Variants in CSTF3 observed in about 807,000 individuals in gnomAD.
CSTF3 encodes the protein cleavage stimulation factor subunit 3, also known as CF-1 77 kDa subunit.
Under a neutral mutation model 105.8 loss-of-function variants are expected in CSTF3, and 29 were observed. The ratio of observed to expected loss-of-function variants is 0.27; its 90% confidence interval spans 0.20 to 0.37. CSTF3 has a LOEUF of 0.37. CSTF3 is among the 10% of genes least tolerant of loss of function. The pLI is 1.00. For missense variants in CSTF3, 357 were observed against 879.3 expected (o/e 0.41, Z 7.51); for synonymous variants, 252 against 281.9 (o/e 0.89, Z 1.06).
chr11:33,099,204 G>T lies in CSTF3; in HGVS notation c.937-54C>A. The T allele has an allele frequency of 1.3e-6, 2 of 1,543,946 alleles. No individual in the cohort carries two copies. Among genetic ancestry groups the T allele is most frequent in the Non-Finnish European group, 8.7e-7 (1 of 1,152,598 alleles). ...CAATAATTTTAATATAGTTGTGAGA[G>T]AATAAAATTAATAAAGTTACATCTA... On this transcript the variant is annotated intron_variant, in intron 11 of 20. Coordinates refer to ENST00000323959, the MANE Select transcript of CSTF3 (RefSeq NM_001326.3). This position sits in a 1 kb window ranked among gnomAD's most constrained non-coding sequence, Gnocchi z 4.1.
chr11:33,085,408 C>G (rs1160661626), intron 20 of CSTF3, 119 bp from the exon 21 acceptor site: 2 of 808,556 alleles, frequency 2.5e-6, no homozygotes, highest in Admixed American at 6.8e-5. Flanking sequence ...GATAGTACTA[C>G]TGATACTAAA....
At chr11:33,102,144 T>G in intron 10 of CSTF3, 33 bp downstream of exon 10, 1 of 1,592,828 alleles carries the variant, frequency 6.3e-7, no homozygotes, top group Non-Finnish European at 8.6e-7. Flanking sequence ...AACATACATG[T>G]AACTGAAGTC....
chr11:33,105,517 A>G, intron 8 of CSTF3, 50 bp downstream of exon 8: 2 of 1,524,190 alleles, frequency 1.3e-6, no homozygotes, highest in East Asian at 4.6e-5. Context: ...CAATGCATAG[A>G]AATTAAAATG....
rs1554950737 is a variant in CSTF3, at chr11:33,122,928, A to AAG, written c.226-14511_226-14510insCT. 2.6e-4 allele frequency among the ~76,000 whole-genome samples: 39 copies of AAG among 150,708 alleles called. 1 individual carries two copies. The highest frequency in any genetic ancestry group is 9.3e-4 in the African/African-American group (38 of 40,860). On this transcript the variant is annotated intron_variant, in intron 3 of 20. Transcript: ENST00000323959. ...ATATCCTGTCTCAAAAAAAAAAAAA[A>AAG]AAAAAAGAAAAGAAAAAAGAAAAGA...
chr11:33,160,266 T>C (rs534259463), intron 1 of CSTF3, among the ~76,000 whole-genome samples: 7 of 152,278 alleles, frequency 4.6e-5, no homozygotes, highest in Non-Finnish European at 1.0e-4. Context: ...GCCGACATAA[T>C]GAAATCTACA....
chr11:33,159,595 C>CAAAAAAA (rs71034656), intron 1 of CSTF3, among the ~76,000 whole-genome samples: 12 of 37,946 alleles, frequency 3.2e-4, no homozygotes, highest in African/African-American at 6.6e-4. Flanking sequence ...GGCTCCATCT[C>CAAAAAAA]AAAAAAAAAA....
chr11:33,086,678 T>A (rs1329781990), intron 18 of CSTF3, among the ~76,000 whole-genome samples: 1 of 152,218 alleles, frequency 6.6e-6, no homozygotes, highest in Non-Finnish European at 1.5e-5. Context: ...CCTCAGGTGA[T>A]CCACCTGCCT....
At chr11:33,085,312 C>T (rs774293122) in intron 20 of CSTF3, 23 bp from the exon 21 acceptor site, 68 of 1,510,358 alleles carry the variant, frequency 4.5e-5, no homozygotes, top group Admixed American at 3.5e-4. Context: ...AACAACAAAA[C>T]GTAAAAACAT....
intron 4 of CSTF3, 21 bp from the exon 5 acceptor site, chr11:33,108,021 T>A: frequency 6.9e-7 from 1 of 1,446,702 alleles, no homozygotes; most frequent in Non-Finnish European, 9.5e-7. Flanking sequence ...AAGAATATAT[T>A]ATCAGAATCC....
chr11:33,108,272 G>T, intron 4 of CSTF3, 114 bp downstream of exon 4: 1 of 1,036,548 alleles, frequency 9.6e-7, no homozygotes, highest in Non-Finnish European at 1.3e-6. Context: ...CAATTAACTT[G>T]TAAAAAATCA....
At chr11:33,117,757 CTAAG>C (rs1181325379) in intron 3 of CSTF3, among the ~76,000 whole-genome samples, 1 of 151,788 alleles carries the variant, frequency 6.6e-6, no homozygotes, top group Non-Finnish European at 1.5e-5. Flanking sequence ...TGTGCTTTGT[CTAAG>C]TAATTGTTTT....
chr11:33,157,349 C>CAT (rs2133811512), intron 1 of CSTF3, among the ~76,000 whole-genome samples: 1 of 151,964 alleles, frequency 6.6e-6, no homozygotes, highest in Non-Finnish European at 1.5e-5. Context: ...AGCAAGACTC[C>CAT]ATCTCAAAAA....
intron 9 of CSTF3, among the ~76,000 whole-genome samples, chr11:33,102,849 C>T (rs1024422451): frequency 1.3e-5 from 2 of 152,164 alleles, no homozygotes; most frequent in African/African-American, 4.8e-5. Context: ...TTCATCAATT[C>T]TAAGTAGAGC....
chr11:33,121,542 A>G (rs1855490019), intron 3 of CSTF3, among the ~76,000 whole-genome samples: 1 of 152,162 alleles, frequency 6.6e-6, no homozygotes, highest in Non-Finnish European at 1.5e-5. Flanking sequence ...GATATTTTCC[A>G]AAGTGATGCC....
At chr11:33,132,071 A>G (rs1322942804) in intron 3 of CSTF3, among the ~76,000 whole-genome samples, 2 of 152,132 alleles carry the variant, frequency 1.3e-5, no homozygotes, top group African/African-American at 4.8e-5. Context: ...GAAAGAAAAA[A>G]CGTTACATTG....
chr11:33,125,969 TGA>T (rs1424086602), intron 3 of CSTF3, among the ~76,000 whole-genome samples: 3 of 152,188 alleles, frequency 2.0e-5, no homozygotes, highest in Non-Finnish European at 4.4e-5. Flanking sequence ...CTGTTTTCAG[TGA>T]GAGAGCTAAT....
intron 3 of CSTF3, among the ~76,000 whole-genome samples, chr11:33,140,026 A>T (rs1303616255): frequency 6.6e-6 from 1 of 152,114 alleles, no homozygotes; most frequent in Non-Finnish European, 1.5e-5. Flanking sequence ...AAAATGCATG[A>T]ATAATGCCTG....
At chr11:33,136,002 T>C (rs1335062087) in intron 3 of CSTF3, 2 of 152,520 alleles carry the variant, frequency 1.3e-5, no homozygotes, top group East Asian at 3.8e-4. Flanking sequence ...CAAAACTACA[T>C]TTGAATCCTA....
At chr11:33,132,244 C>A (rs1245550509) in intron 3 of CSTF3, among the ~76,000 whole-genome samples, 2 of 152,114 alleles carry the variant, frequency 1.3e-5, no homozygotes, top group Non-Finnish European at 2.9e-5. Flanking sequence ...TTTAAACATA[C>A]CTTTTCCATA....
Sources: allele counts gnomAD v4.1 joint callset (sites outside exome capture counted in the v4.1 genomes callset), GRCh38; gene constraint gnomAD v4.1.1; non-coding constraint Gnocchi (gnomAD v3.1); transcripts MANE v1.5; gene names NCBI Gene and HGNC (gene_info 2026-07-23, HGNC 2026-07-21).